The following ATP2A3 variants were observed in gnomAD, a reference collection of about 807,000 sequenced individuals.
ATP2A3 encodes the protein ATPase sarcoplasmic/endoplasmic reticulum Ca2+ transporting 3.
A neutral mutation model predicts 106.8 loss-of-function variants in ATP2A3; 61 were observed. That is an observed-to-expected ratio of 0.57 (90% CI 0.46 to 0.71). The LOEUF (loss-of-function observed/expected upper bound fraction) is 0.71, where lower values mean the gene tolerates loss of function less well. Among genes scored for constraint, ATP2A3 ranks in the 30% least tolerant of loss-of-function variants. ATP2A3 has a pLI of 0.00. For missense variants in ATP2A3, 1,201 were observed against 1,423.5 expected (o/e 0.84, Z 2.52); for synonymous variants, 611 against 609.3 (o/e 1.00, Z -0.04).
Position 3,947,816 on chromosome 17 carries a change from C to A in ATP2A3, c.670G>T (p.Val224Leu). 6.3e-7 allele frequency: 1 copy of A among 1,599,488 alleles called. No homozygotes were observed. Among genetic ancestry groups the A allele is most frequent in the Non-Finnish European group, 8.5e-7 (1 of 1,179,876 alleles). Residue 224 changes from valine (V) to leucine (L), a missense_variant, in exon 8 of 21, where the codon GTG becomes TTG. Transcript: ENST00000397041. This position sits in a 1 kb window ranked among gnomAD's most constrained non-coding sequence, Gnocchi z 7.7. ...ITSGKAVGVA[V>L]ATGLHTELGK... is the part of the protein sequence containing the mutation. ...AGCTCCGTGTGCAGGCCGGTGGCCA[C>A]GGCCACACCCACCGCTTTGCCCGAT...
chr17:3,962,258 A>G (rs967973914), intron 1 of ATP2A3, among the ~76,000 whole-genome samples: 1 of 152,206 alleles, frequency 6.6e-6, no homozygotes, highest in Non-Finnish European at 1.5e-5. Context: ...TGCCAGCTCC[A>G]CCACCTACTA....
intron 4 of ATP2A3, 23 bp downstream of exon 4, chr17:3,951,558 G>GCCCCCCCCCCAGCCCCC: frequency 2.8e-6 from 2 of 716,232 alleles, no homozygotes; most frequent in Non-Finnish European, 4.3e-6. Context: ...CCCCCGCCCG[G>GCCCCCCCCCCAGCCCCC]TCCCACCCCC....
intron 4 of ATP2A3, 21 bp downstream of exon 4, chr17:3,951,560 C>CCCCCCCCCCG: frequency 2.6e-6 from 2 of 766,472 alleles, no homozygotes; most frequent in Non-Finnish European, 4.0e-6. Context: ...CCCGCCCGGT[C>CCCCCCCCCCG]CCACCCCCAG....
intron 1 of ATP2A3, among the ~76,000 whole-genome samples, chr17:3,962,581 A>G (rs2055198080): frequency 6.6e-6 from 1 of 152,100 alleles, no homozygotes; most frequent in African/African-American, 2.4e-5. Flanking sequence ...CTTCCCCATC[A>G]GTTCACACAG....
rs991665957 is a variant in ATP2A3 at position 3,953,149 on chromosome 17, C to T, written c.219+198G>A. 1.2e-4 allele frequency: 75 copies of T among 635,490 alleles called. No homozygotes were observed. Among genetic ancestry groups the T allele is most frequent in the African/African-American group, 7.8e-4 (43 of 54,974 alleles). 39.4% of individuals were successfully genotyped at this position (635,490 alleles called of 1,614,324 possible). A position where few individuals can be genotyped will look rare whatever the true frequency, so the allele number is the denominator to read the frequency against. On this transcript the variant is annotated intron_variant, in intron 3 of 20. Coordinates refer to ENST00000397041, the MANE Select transcript of ATP2A3 (RefSeq NM_005173.4). The surrounding 1 kb of genome is among the most constrained non-coding windows in gnomAD (Gnocchi z 5.1). Reference sequence around the variant, plus strand: ...TGGATTGGAGGGGTCAGGTGGGAGCCGGGGACCCAATGTAGGGGCCATGAG... The same window carrying T: ...TGGATTGGAGGGGTCAGGTGGGAGCTGGGGACCCAATGTAGGGGCCATGAG...
chr17:3,945,795 G>T (rs899861767), intron 8 of ATP2A3, among the ~76,000 whole-genome samples: 3 of 152,148 alleles, frequency 2.0e-5, no homozygotes, highest in African/African-American at 7.2e-5. Flanking sequence ...TGGCCTCACC[G>T]CACATTCTCA....
chr17:3,927,485 G>A, intron 20 of ATP2A3: 1 of 985,310 alleles, frequency 1.0e-6, no homozygotes, highest in Non-Finnish European at 1.2e-6. Flanking sequence ...GTGCAGGTGA[G>A]TGAGTGTGGT....
chr17:3,949,616 T>G (rs1008544145), intron 7 of ATP2A3, among the ~76,000 whole-genome samples: 3 of 152,256 alleles, frequency 2.0e-5, no homozygotes, highest in African/African-American at 7.2e-5. Flanking sequence ...ATTGGCTGTG[T>G]GACCTTGGGA....
intron 14 of ATP2A3, among the ~76,000 whole-genome samples, chr17:3,939,511 G>A (rs145849928): frequency 8.5e-5 from 13 of 152,098 alleles, no homozygotes; most frequent in South Asian, 2.1e-4. Context: ...GCAATAGGCC[G>A]GGCGCGGTGG....
intron 8 of ATP2A3, among the ~76,000 whole-genome samples, chr17:3,945,792 AC>A (rs1199681174): frequency 6.6e-6 from 1 of 152,142 alleles, no homozygotes; most frequent in Non-Finnish European, 1.5e-5. Flanking sequence ...ACATGGCCTC[AC>A]CGCACATTCT....
At chr17:3,935,031 G>A (rs553561252) in intron 17 of ATP2A3, 161 bp downstream of exon 17, 14 of 769,136 alleles carry the variant, frequency 1.8e-5, no homozygotes, top group Admixed American at 4.2e-5. Flanking sequence ...TGGGTTTCCC[G>A]TGGGCTCTGA....
rs745701715 is a variant in ATP2A3 at position 3,951,291 on chromosome 17, A to G, written c.423T>C (p.Arg141=). Residue 141 remains arginine, a synonymous_variant, in exon 5 of 21, where the codon CGT becomes CGC. Coordinates refer to ENST00000397041, the MANE Select transcript of ATP2A3 (RefSeq NM_005173.4). Reference sequence around the variant, plus strand: ...TGTCCCCTGGGACGATGTCCCGGGCACGGATCCTCTGCACGCCCTTGCGGT... The same window carrying G: ...TGTCCCCTGGGACGATGTCCCGGGCGCGGATCCTCTGCACGCCCTTGCGGT... ...RSDRKGVQRI[R]ARDIVPGDIV... is the part of the protein sequence containing the mutation. 9 of 1,613,784 alleles carry G rather than the reference A, an allele frequency of 5.6e-6. No homozygotes were observed. Among genetic ancestry groups the G allele is most frequent in the Non-Finnish European group, 7.6e-6 (9 of 1,179,972 alleles).
chr17:3,941,612 C>A lies in ATP2A3; in HGVS notation c.1588G>T (p.Val530Leu), dbSNP rs777050909. Residue 530 changes from valine to leucine, a missense_variant, in exon 13 of 21, where the codon GTG becomes TTG. Coordinates refer to ENST00000397041, the MANE Select transcript of ATP2A3 (RefSeq NM_005173.4). ...GTCAGGGGTGCTGTGCGGCTCCCCA[C>A]GCGGACTGAGCTACAGCGCTCGATC... ...SVIERCSSVR[V>L]GSRTAPLTPT... The A allele has an allele frequency of 3.1e-6, 5 of 1,611,520 alleles. No individual in the cohort carries two copies. Among genetic ancestry groups the A allele is most frequent in the Admixed American group, 1.7e-5 (1 of 60,030 alleles).
chr17:3,954,366 C>G (rs930643744), intron 1 of ATP2A3, among the ~76,000 whole-genome samples: 6 of 151,964 alleles, frequency 3.9e-5, no homozygotes, highest in African/African-American at 1.2e-4. Context: ...CAGTCCCCCC[C>G]AGGCCCTGCA....
rs2053747663 is a variant in ATP2A3 at position 3,941,188 on chromosome 17, T to C, written c.1883A>G (p.Asn628Ser). ...GIRVVMITGD[N>S]KGTAVAICRR... Reference sequence around the variant, plus strand: ...GCAGATGGCCACGGCAGTGCCTTTGTTATCCCCCGTGATCATGACCACGCG... The same window carrying C: ...GCAGATGGCCACGGCAGTGCCTTTGCTATCCCCCGTGATCATGACCACGCG... The change falls in exon 14 of 21, where the codon AAC becomes AGC. Residue 628 changes from asparagine to serine, a missense_variant. Asn to Ser is a conservative substitution (Grantham distance 46). This residue lies in a region of ATP2A3 where 935 missense variants were observed against 1,176.7 expected (regional missense o/e 0.79). Coordinates refer to ENST00000397041, the MANE Select transcript of ATP2A3 (RefSeq NM_005173.4). The C allele has an allele frequency of 1.2e-6, 2 of 1,614,164 alleles. No individual in the cohort carries two copies. The highest frequency in any genetic ancestry group is 1.7e-6 in the Non-Finnish European group (2 of 1,180,034).
chr17:3,951,546 G>GCCCGCCC, intron 4 of ATP2A3, 35 bp downstream of exon 4: 4 of 1,319,570 alleles, frequency 3.0e-6, no homozygotes, highest in Non-Finnish European at 4.2e-6. Flanking sequence ...CTGGGAGACC[G>GCCCGCCC]CCCCCCGCCC....
chr17:3,963,181 A>AT, intron 1 of ATP2A3, among the ~76,000 whole-genome samples: 1 of 152,228 alleles, frequency 6.6e-6, no homozygotes, highest in Admixed American at 6.5e-5. Flanking sequence ...GGGCTAGAAT[A>AT]CCTTCCCCTC....
chr17:3,933,056 C>G, intron 17 of ATP2A3, among the ~76,000 whole-genome samples: 1 of 151,590 alleles, frequency 6.6e-6, no homozygotes, highest in Non-Finnish European at 1.5e-5. Context: ...CCAAGGCGGG[C>G]AGATCACCTG....
chr17:3,943,553 G>A, intron 10 of ATP2A3, 31 bp from the exon 11 acceptor site: 2 of 1,613,532 alleles, frequency 1.2e-6, no homozygotes, highest in East Asian at 2.2e-5. Context: ...AGGGAGTGAG[G>A]GGCAGGCAGC....
Sources: allele counts gnomAD v4.1 joint callset (sites outside exome capture counted in the v4.1 genomes callset), GRCh38; gene constraint gnomAD v4.1.1; regional missense constraint gnomAD v4.1.1; non-coding constraint Gnocchi (gnomAD v3.1); transcripts MANE v1.5; gene names NCBI Gene and HGNC (gene_info 2026-07-23, HGNC 2026-07-21).